The following CTNND2 variants were observed in gnomAD, a reference collection of about 807,000 sequenced individuals.
CTNND2 encodes catenin delta 2.
Under a neutral mutation model 144.4 loss-of-function variants are expected in CTNND2, and 22 were observed. That is an observed-to-expected ratio of 0.15 (90% CI 0.11 to 0.22). The LOEUF (loss-of-function observed/expected upper bound fraction) is 0.22, where lower values mean the gene tolerates loss of function less well. Among genes scored for constraint, CTNND2 ranks in the 10% least tolerant of loss-of-function variants. The pLI is 1.00. For synonymous variants in CTNND2, 751 were observed against 695.6 expected (o/e 1.08, Z -1.25); for missense variants, 1,353 against 1,618.8 (o/e 0.84, Z 2.82).
intron 9 of CTNND2, among the ~76,000 whole-genome samples, chr5:11,342,632 T>A (rs1422108073): frequency 1.3e-5 from 2 of 152,238 alleles, no homozygotes; most frequent in Non-Finnish European, 2.9e-5. Context: ...TGCTACAATT[T>A]ACACATTATG....
At chr5:11,882,502 A>AATAT (rs34174527) in intron 1 of CTNND2, among the ~76,000 whole-genome samples, 21 of 151,364 alleles carry the variant, frequency 1.4e-4, no homozygotes, top group South Asian at 2.1e-4. Context: ...AACATATACA[A>AATAT]ATATATATAT....
chr5:11,080,665 C>T (rs1749453130), intron 16 of CTNND2, among the ~76,000 whole-genome samples: 1 of 152,188 alleles, frequency 6.6e-6, no homozygotes, highest in African/African-American at 2.4e-5. Context: ...GGAATCCTGT[C>T]CTTTACAACA....
chr5:11,665,767 C>A (rs1054440534), intron 2 of CTNND2, among the ~76,000 whole-genome samples: 18 of 152,132 alleles, frequency 1.2e-4, no homozygotes, highest in Admixed American at 4.6e-4. Context: ...GAAAGAGAGG[C>A]AGTGAAGACC....
chr5:11,262,293 A>G (rs970149193), intron 9 of CTNND2, among the ~76,000 whole-genome samples: 13 of 152,248 alleles, frequency 8.5e-5, no homozygotes, highest in Non-Finnish European at 1.8e-4. Flanking sequence ...GCTTAAACCC[A>G]CACCATACTG....
intron 2 of CTNND2, among the ~76,000 whole-genome samples, chr5:11,725,890 G>A (rs1378453431): frequency 6.6e-6 from 1 of 151,908 alleles, no homozygotes; most frequent in South Asian, 2.1e-4. Flanking sequence ...ACTATATCTG[G>A]TTCCATTTCT....
rs1265412287 is a variant in CTNND2 at position 11,384,554 on chromosome 5, A to G, written c.1177+111T>C. 3.0e-6 allele frequency: 3 copies of G among 988,012 alleles called. No homozygotes were observed. Among genetic ancestry groups the G allele is most frequent in the South Asian group, 3.3e-5 (2 of 59,836 alleles). 61.2% of individuals were successfully genotyped at this position (988,012 alleles called of 1,614,324 possible). ...GCGTTCTCTGTCTCCTGCAACTACTACAACCTGGCAGACAGCGCGCCCGGC... is the reference window on the plus strand; with the variant it reads ...GCGTTCTCTGTCTCCTGCAACTACTGCAACCTGGCAGACAGCGCGCCCGGC... On this transcript the variant is annotated intron_variant, in intron 7 of 21. Coordinates refer to ENST00000304623, the MANE Select transcript of CTNND2 (RefSeq NM_001332.4). This position sits in a 1 kb window ranked among gnomAD's most constrained non-coding sequence, Gnocchi z 5.2.
At chr5:11,197,974 T>C (rs549236672) in intron 11 of CTNND2, among the ~76,000 whole-genome samples, 11 of 152,346 alleles carry the variant, frequency 7.2e-5, no homozygotes, top group Non-Finnish European at 1.2e-4. Context: ...GGTGCTCTGC[T>C]GGTCTTCCTT....
chr5:11,124,367 G>C (rs750296410), intron 12 of CTNND2, among the ~76,000 whole-genome samples: 25 of 152,184 alleles, frequency 1.6e-4, no homozygotes, highest in Admixed American at 1.3e-3. Context: ...TTACATCCTC[G>C]ATGGCTTGAA....
At chr5:11,902,789 G>GAA (rs200399689) in intron 1 of CTNND2, among the ~76,000 whole-genome samples, 1 of 149,840 alleles carries the variant, frequency 6.7e-6, no homozygotes, top group African/African-American at 2.5e-5. Context: ...GAAAAGAAAA[G>GAA]AAAAAAAAAC....
intron 3 of CTNND2, among the ~76,000 whole-genome samples, chr5:11,510,281 C>G (rs1771516318): frequency 6.6e-6 from 1 of 151,950 alleles, no homozygotes; most frequent in Non-Finnish European, 1.5e-5. Context: ...AGATCTAAAC[C>G]CTTGGCAACT....
chr5:11,374,530 C>T (rs964635434), intron 7 of CTNND2, among the ~76,000 whole-genome samples: 4 of 152,024 alleles, frequency 2.6e-5, no homozygotes, highest in Admixed American at 6.6e-5. Context: ...ATCTATGACT[C>T]GGTATTTTAT....
At chr5:11,496,783 G>A (rs763006671) in intron 3 of CTNND2, among the ~76,000 whole-genome samples, 28 of 152,106 alleles carry the variant, frequency 1.8e-4, no homozygotes, top group Admixed American at 1.8e-3. Context: ...AGAAACAGTG[G>A]TATATGTTAG....
chr5:11,236,076 T>C (rs1002418254), intron 10 of CTNND2, among the ~76,000 whole-genome samples: 1 of 152,232 alleles, frequency 6.6e-6, no homozygotes, highest in African/African-American at 2.4e-5. Flanking sequence ...TCACACAGCA[T>C]AATATATGCA....
rs934392224 is a variant in CTNND2 at position 10,972,374 on chromosome 5, A to G, written c.*1079T>C. On this transcript the variant is annotated 3_prime_UTR_variant, in exon 22 of 22. Coordinates refer to ENST00000304623, the MANE Select transcript of CTNND2 (RefSeq NM_001332.4). ...CAAAAACAAAGTTTGTACAAGATGA[A>G]CAGCAAATGAAATAGCTTCTGTCAA... The G allele has an allele frequency of 1.3e-5, 2 of 152,296 alleles. No individual in the cohort carries two copies. The highest frequency in any genetic ancestry group is 1.3e-4 in the Admixed American group (2 of 15,290). The allele number at this position is 152,296 out of a possible 1,614,324, so 9.4% of individuals were successfully genotyped here.
chr5:11,283,642 C>T (rs903518057), intron 9 of CTNND2, among the ~76,000 whole-genome samples: 4 of 121,872 alleles, frequency 3.3e-5, no homozygotes, highest in Non-Finnish European at 6.4e-5. Context: ...CCATTGCACT[C>T]CAGCCTGGGT....
At chr5:11,130,098 G>A (rs1331509429) in intron 12 of CTNND2, among the ~76,000 whole-genome samples, 2 of 152,028 alleles carry the variant, frequency 1.3e-5, no homozygotes, top group African/African-American at 4.8e-5. Context: ...CCCAAGGAAG[G>A]CAATTTCTTT....
chr5:11,053,609 C>G (rs1746065242), intron 16 of CTNND2, among the ~76,000 whole-genome samples: 1 of 152,178 alleles, frequency 6.6e-6, no homozygotes, highest in African/African-American at 2.4e-5. Flanking sequence ...GATATATGTG[C>G]ATGGGGCCAC....
At chr5:11,574,078 TG>T (rs538279969) in intron 2 of CTNND2, among the ~76,000 whole-genome samples, 102 of 152,202 alleles carry the variant, frequency 6.7e-4, no homozygotes, top group Middle Eastern at 3.4e-3. Flanking sequence ...TTAAAATGCC[TG>T]GGTCCATTCC....
At chr5:11,604,825 T>C (rs1201748160) in intron 2 of CTNND2, among the ~76,000 whole-genome samples, 1 of 152,212 alleles carries the variant, frequency 6.6e-6, no homozygotes, top group Non-Finnish European at 1.5e-5. Context: ...AGGGAGATAT[T>C]CATGGGCATT....
Sources: gnomAD v4.1 joint callset for allele counts (sites outside exome capture counted in the v4.1 genomes callset) on GRCh38, gnomAD v4.1.1 for gene constraint, Gnocchi (gnomAD v3.1) non-coding constraint, MANE v1.5 for transcripts, NCBI Gene and HGNC (gene_info 2026-07-23, HGNC 2026-07-21) for gene names.